Variants in SLC35F5 observed in about 807,000 individuals in gnomAD.
SLC35F5 encodes solute carrier family 35 member F5.
SLC35F5 carries 54 observed loss-of-function variants against 68.6 expected under a neutral mutation model. The observed-to-expected ratio is 0.79, with a 90% CI of 0.63 to 0.99. The LOEUF is 0.99. Among genes scored for constraint, SLC35F5 ranks in the 50% least tolerant of loss-of-function variants. The pLI, the probability that SLC35F5 is intolerant of heterozygous loss-of-function variation, is 0.00. For missense variants in SLC35F5, 567 were observed against 626.9 expected, an observed-to-expected ratio of 0.90 and a Z score of 1.02; for synonymous variants, 211 against 205.2, an observed-to-expected ratio of 1.03 and a Z score of -0.24.
Position 113,756,373 on chromosome 2 carries a change from G to A in SLC35F5, c.37C>T (p.Pro13Ser). The A allele has an allele frequency of 6.4e-7, 1 of 1,571,172 alleles. No individual in the cohort carries two copies. The highest frequency in any genetic ancestry group is 2.4e-5 in the East Asian group (1 of 42,160). The stretch of plus-strand genomic sequence containing the variant: ...GGGCCCTTCCCTGCCTGCCTACCTG[G>A]CCTTCCTGCCCCGCGATGGCGTCGT... ...PPRRHRGAGR[P>S]GVLSSSPPFR... Residue 13 changes from proline to serine, a missense_variant, in exon 1 of 16, where the codon CCA becomes TCA. Physicochemically the swap from Pro to Ser is moderately conservative, Grantham distance 74. Coordinates refer to ENST00000245680, the MANE Select transcript of SLC35F5 (RefSeq NM_025181.5).
In SLC35F5 at chr2:113,749,359, G is replaced by T. The variant is rs762910676; in HGVS notation, c.417+1066C>A. The stretch of plus-strand genomic sequence containing the variant: ...TACAAAAAATACAAAAATCAGTGGG[G>T]TGTGGTGTTGCATGGCTACGTACTC... On this transcript the variant is annotated intron_variant, in intron 4 of 15. Coordinates refer to ENST00000245680, the MANE Select transcript of SLC35F5 (RefSeq NM_025181.5). Among the ~76,000 whole-genome samples, 7 of 152,306 alleles carry T rather than the reference G, an allele frequency of 4.6e-5. No homozygotes were observed. In the East Asian group the frequency reaches 1.3e-3, roughly 29 times the overall value.
Position 113,707,127 on chromosome 2 carries a change from C to A in SLC35F5, c.*8091G>T, listed in dbSNP as rs764734321. ...TTTTTAACAAAATTGAGGTAAAAAT[C>A]TGCATTAAATTACACCAAGAAAAAC... On this transcript the variant is annotated 3_prime_UTR_variant, in exon 16 of 16. Transcript: ENST00000245680. 1.3e-5 allele frequency among the ~76,000 whole-genome samples: 2 copies of A among 152,022 alleles called. No individual in the cohort carries two copies. Among genetic ancestry groups the A allele is most frequent in the Admixed American group, 6.5e-5 (1 of 15,274 alleles).
intron 3 of SLC35F5, among the ~76,000 whole-genome samples, chr2:113,751,947 C>T (rs569901276): frequency 2.4e-4 from 36 of 152,194 alleles, no homozygotes; most frequent in African/African-American, 8.7e-4. Context: ...CACAGTGGCT[C>T]ACGCCTGTAA....
At chr2:113,752,940 T>C (rs1162207665) in intron 3 of SLC35F5, among the ~76,000 whole-genome samples, 1 of 152,086 alleles carries the variant, frequency 6.6e-6, no homozygotes, top group East Asian at 1.9e-4. Flanking sequence ...AAATCGTGGG[T>C]GAAATGGCAT....
rs1676995370 is a variant in SLC35F5 at position 113,756,420 on chromosome 2, G to A, written c.-11C>T. ...TCGTGGCGGCACCATGAGCGGACCGGTCAGGCCCCGCAGCCGCCCAGCGCC... is the reference window on the plus strand; with the variant it reads ...TCGTGGCGGCACCATGAGCGGACCGATCAGGCCCCGCAGCCGCCCAGCGCC... On this transcript the variant is annotated 5_prime_UTR_variant, in exon 1 of 16. Coordinates refer to ENST00000245680, the MANE Select transcript of SLC35F5 (RefSeq NM_025181.5). 6.5e-7 allele frequency: 1 copy of A among 1,548,810 alleles called. No homozygotes were observed. Among genetic ancestry groups the A allele is most frequent in the East Asian group, 2.4e-5 (1 of 41,160 alleles).
At chr2:113,748,079 G>A (rs954993673) in intron 4 of SLC35F5, among the ~76,000 whole-genome samples, 2 of 152,200 alleles carry the variant, frequency 1.3e-5, no homozygotes, top group Non-Finnish European at 2.9e-5. Context: ...ACAAGAGAGT[G>A]AGACTCTGTC....
chr2:113,743,608 C>T, intron 6 of SLC35F5, 105 bp downstream of exon 6: 2 of 759,424 alleles, frequency 2.6e-6, no homozygotes, highest in Non-Finnish European at 4.3e-6. Flanking sequence ...GTCAAGACCA[C>T]ATGGAGCAGA....
chr2:113,723,089 A>G lies in SLC35F5; in HGVS notation c.1341+15T>C, dbSNP rs1428528925. 2.4e-5 allele frequency: 36 copies of G among 1,513,314 alleles called. No individual in the cohort carries two copies. Among genetic ancestry groups the G allele is most frequent in the Admixed American group, 4.2e-5 (2 of 47,272 alleles). The allele number at this position is 1,513,314 out of a possible 1,614,324, so 93.7% of individuals were successfully genotyped here. A position where few individuals can be genotyped will look rare whatever the true frequency, so the allele number is the denominator to read the frequency against. On this transcript the variant is annotated intron_variant, in intron 13 of 15. Transcript: ENST00000245680. The stretch of plus-strand genomic sequence containing the variant: ...CACACCTAAAATATCTATGAATAAT[A>G]AATAGTTTCCTTACCTTTTGCATAC...
intron 10 of SLC35F5, among the ~76,000 whole-genome samples, chr2:113,730,344 GA>G (rs1194295566): frequency 4.6e-5 from 7 of 152,042 alleles, no homozygotes; most frequent in African/African-American, 1.7e-4. Context: ...TTCAAAAGAC[GA>G]ATGTTTTATT....
chr2:113,744,506 G>A (rs1226798916), intron 5 of SLC35F5, among the ~76,000 whole-genome samples: 4 of 152,046 alleles, frequency 2.6e-5, no homozygotes, highest in Admixed American at 6.6e-5. Flanking sequence ...CAGAACTTTG[G>A]GAGGCGAGGC....
At chr2:113,702,696 T>C (rs1183728955), downstream of SLC35F5, among the ~76,000 whole-genome samples, 1 of 152,194 alleles carries the variant, frequency 6.6e-6, no homozygotes, top group Non-Finnish European at 1.5e-5. Flanking sequence ...AGAACTGCTG[T>C]TTAATATGTT....
intron 3 of SLC35F5, among the ~76,000 whole-genome samples, chr2:113,752,528 C>T (rs1335633248): frequency 6.6e-6 from 1 of 152,086 alleles, no homozygotes; most frequent in Non-Finnish European, 1.5e-5. Context: ...CAAGACTTTA[C>T]ACCTAACTAC....
chr2:113,740,293 C>T (rs780812614), intron 7 of SLC35F5, among the ~76,000 whole-genome samples: 3 of 152,134 alleles, frequency 2.0e-5, no homozygotes, highest in South Asian at 2.1e-4. Flanking sequence ...ACAACTCATC[C>T]GTAGGCAGAA....
chr2:113,738,420 C>T (rs972889741), intron 7 of SLC35F5, among the ~76,000 whole-genome samples: 27 of 152,004 alleles, frequency 1.8e-4, no homozygotes, highest in African/African-American at 6.3e-4. Flanking sequence ...TTGCAAATGG[C>T]GGATTTCCTT....
At chr2:113,704,350 G>C (rs892768555), downstream of SLC35F5, among the ~76,000 whole-genome samples, 7 of 152,226 alleles carry the variant, frequency 4.6e-5, no homozygotes, top group Non-Finnish European at 7.3e-5. Context: ...CAGGAGCCCA[G>C]CCGGCTTCAC....
At position 113,719,212 on chromosome 2, in the gene SLC35F5, C is replaced by T. The variant is rs766954729; in HGVS notation, c.1438G>A (p.Val480Met). Residue 480 changes from valine (V) to methionine (M), a missense_variant, in exon 14 of 16, where the codon GTG (valine) becomes ATG (methionine). Physicochemically the swap from Val to Met is conservative, Grantham distance 21. Coordinates refer to ENST00000245680, the MANE Select transcript of SLC35F5 (RefSeq NM_025181.5). ...AATATTCTTCTGATTCCCACCATCA[C>T]AGGATCCCAATTATTATAATGGCAT... Reference protein sequence around the residue: ...LLCHYNNWDPVMVGIRRIFAF... With the variant: ...LLCHYNNWDPMMVGIRRIFAF... The T allele has an allele frequency of 5.0e-6, 8 of 1,609,018 alleles. No homozygotes were observed. Among genetic ancestry groups the T allele is most frequent in the Admixed American group, 1.7e-5 (1 of 59,064 alleles).
rs759539558 is a variant in SLC35F5, at chr2:113,743,748, T to C, written c.527A>G (p.Glu176Gly). 3.1e-6 allele frequency: 5 copies of C among 1,612,492 alleles called. No individual in the cohort carries two copies. The Admixed American group carries it at 8.3e-5, about 27-fold the overall frequency. ...VPVKFHDLPS[E>G]KPESTNIDTE... ...ATCAATGTTTGTGCTCTCAGGTTTT[T>C]CACTTGGAAGATCATGGAATTTCAC... The change falls in exon 6 of 16, where the codon GAA (glutamate) becomes GGA (glycine). Residue 176 changes from glutamate to glycine, a missense_variant. Coordinates refer to ENST00000245680, the MANE Select transcript of SLC35F5 (RefSeq NM_025181.5).
rs149074230 is a variant in SLC35F5 at position 113,719,584 on chromosome 2, T to C, written c.1342-276A>G. 501 of 260,222 alleles carry C rather than the reference T, an allele frequency of 1.9e-3. 2 individuals carry two copies. Among genetic ancestry groups the C allele is most frequent in the African/African-American group, 0.011 (473 of 44,304 alleles). The allele number at this position is 260,222 out of a possible 1,614,324, so 16.1% of individuals were successfully genotyped here. A position where few individuals can be genotyped will look rare whatever the true frequency, so the allele number is the denominator to read the frequency against. ...AAAGCATACTTTCCATTTATAGGCA[T>C]TGTACACTTAGAGTAGAGATATACA... On this transcript the variant is annotated intron_variant, in intron 13 of 15. Transcript: ENST00000245680.
At chr2:113,748,258 C>T (rs938993438) in intron 4 of SLC35F5, among the ~76,000 whole-genome samples, 13 of 152,090 alleles carry the variant, frequency 8.5e-5, no homozygotes, top group African/African-American at 2.4e-4. Context: ...CTTCACCTCC[C>T]GACTTCAAGC....
Sources: gnomAD v4.1 joint callset for allele counts (sites outside exome capture counted in the v4.1 genomes callset) on GRCh38, gnomAD v4.1.1 for gene constraint, MANE v1.5 for transcripts, NCBI Gene and HGNC (gene_info 2026-07-23, HGNC 2026-07-21) for gene names.